The following PPP5C variants were observed in gnomAD, a reference collection of about 807,000 sequenced individuals.
PPP5C encodes the protein protein phosphatase 5 catalytic subunit, also known as serine/threonine-protein phosphatase 5.
PPP5C carries 21 observed loss-of-function variants against 66.7 expected under a neutral mutation model. The observed-to-expected ratio is 0.31, with a 90% confidence interval of 0.22 to 0.45. The LOEUF (loss-of-function observed/expected upper bound fraction) is 0.45, where lower values mean the gene tolerates loss of function less well. Ranked by LOEUF, PPP5C falls within the 20% of genes least tolerant of loss-of-function variation. The probability of loss-of-function intolerance (pLI) is 1.00; values close to 1 mark genes in which losing one functional copy is unlikely to be tolerated. For missense variants in PPP5C, 464 were observed against 675.9 expected, an observed-to-expected ratio of 0.69 and a Z score of 3.48; for synonymous variants, 246 against 257.4, an observed-to-expected ratio of 0.96 and a Z score of 0.43.
intron 2 of PPP5C, among the ~76,000 whole-genome samples, chr19:46,371,660 A>C (rs1343978237): frequency 1.3e-5 from 2 of 152,114 alleles, no homozygotes; most frequent in Non-Finnish European, 2.9e-5. Flanking sequence ...GGTCTCTCTG[A>C]CTTATTATAC....
At position 46,383,677 on chromosome 19, in the gene PPP5C, T is replaced by C. The variant is rs1308748808; in HGVS notation, c.700-103T>C. 2 of 1,085,586 alleles carry C rather than the reference T, an allele frequency of 1.8e-6. No homozygotes were observed. The highest frequency in any genetic ancestry group is 1.4e-6 in the Non-Finnish European group (1 of 727,768). 67.2% of individuals were successfully genotyped at this position (1,085,586 alleles called of 1,614,324 possible). On this transcript the variant is annotated intron_variant, in intron 5 of 12. Coordinates refer to ENST00000012443, the MANE Select transcript of PPP5C (RefSeq NM_006247.4). This position sits in a 1 kb window ranked among gnomAD's most constrained non-coding sequence, Gnocchi z 5.0. ...TTCCCTGCTTGTGTCTCTTGCATGATTCTTCTTGGTCTACTGTGAACTCTT... is the reference window on the plus strand; with the variant it reads ...TTCCCTGCTTGTGTCTCTTGCATGACTCTTCTTGGTCTACTGTGAACTCTT...
chr19:46,359,884 A>G (rs985396528), intron 2 of PPP5C, among the ~76,000 whole-genome samples: 3 of 147,092 alleles, frequency 2.0e-5, no homozygotes, highest in Non-Finnish European at 3.0e-5. Flanking sequence ...GGTTCAAGTG[A>G]TTCTCCTGCT....
intron 11 of PPP5C, among the ~76,000 whole-genome samples, chr19:46,389,401 AC>A (rs1972961744): frequency 8.6e-5 from 2 of 23,380 alleles, no homozygotes; most frequent in South Asian, 2.6e-3. Context: ...ACACACACAC[AC>A]ACACACACAC....
At chr19:46,378,560 G>A (rs919971964) in intron 4 of PPP5C, among the ~76,000 whole-genome samples, 3 of 152,124 alleles carry the variant, frequency 2.0e-5, no homozygotes, top group Non-Finnish European at 4.4e-5. Context: ...TAAAAGCTCC[G>A]ACTATACTTG....
chr19:46,380,494 A>G (rs1305872535), intron 4 of PPP5C, among the ~76,000 whole-genome samples: 1 of 152,186 alleles, frequency 6.6e-6, no homozygotes, highest in Non-Finnish European at 1.5e-5. Context: ...TGTCTTTTAT[A>G]TTTACCCTTT....
At chr19:46,371,148 C>T (rs917158390) in intron 2 of PPP5C, among the ~76,000 whole-genome samples, 2 of 152,154 alleles carry the variant, frequency 1.3e-5, no homozygotes, top group Non-Finnish European at 2.9e-5. Context: ...TATGTTCTTT[C>T]CTGTCTATGC....
intron 2 of PPP5C, among the ~76,000 whole-genome samples, 182 bp downstream of exon 2, chr19:46,354,171 A>C (rs551411262): frequency 6.6e-6 from 1 of 152,184 alleles, no homozygotes; most frequent in Admixed American, 6.5e-5. Flanking sequence ...CAGCCATCTC[A>C]CATTTTGTGA....
At chr19:46,381,041 A>G (rs192743147) in intron 4 of PPP5C, among the ~76,000 whole-genome samples, 4 of 152,250 alleles carry the variant, frequency 2.6e-5, no homozygotes, top group Non-Finnish European at 5.9e-5. Flanking sequence ...AATGACCTGA[A>G]TTTTTTTAAT....
Position 46,376,622 on chromosome 19 carries a change from T to G in PPP5C, c.633+48T>G, listed in dbSNP as rs775459132. On this transcript the variant is annotated intron_variant, in intron 4 of 12. Transcript: ENST00000012443. The surrounding 1 kb of genome is among the most constrained non-coding windows in gnomAD (Gnocchi z 5.1). ...GGCACCCGGGAACCCTGGGATGGCA[T>G]CACAGCACTGCCAGCCGCGGGCACT... 3 of 1,600,494 alleles carry G rather than the reference T, an allele frequency of 1.9e-6. No individual in the cohort carries two copies. Among genetic ancestry groups the G allele is most frequent in the Non-Finnish European group, 2.6e-6 (3 of 1,172,674 alleles).
At chr19:46,386,059 C>A (rs1008991557) in intron 7 of PPP5C, among the ~76,000 whole-genome samples, 3 of 152,014 alleles carry the variant, frequency 2.0e-5, no homozygotes, top group Admixed American at 2.0e-4. Flanking sequence ...AGGGTTTTGG[C>A]CGGAGTATCT....
Position 46,388,376 on chromosome 19 carries a change from G to A in PPP5C, c.1136-32G>A, listed in dbSNP as rs143960841. Reference sequence around the variant, plus strand: ...AGTGACCACCCCCGGGGAGGTGGACGAGTCCCTAATGTTTCCCTCGCTCCC... The same window carrying A: ...AGTGACCACCCCCGGGGAGGTGGACAAGTCCCTAATGTTTCCCTCGCTCCC... On this transcript the variant is annotated intron_variant, in intron 9 of 12. Coordinates refer to ENST00000012443, the MANE Select transcript of PPP5C (RefSeq NM_006247.4). The surrounding 1 kb of genome is among the most constrained non-coding windows in gnomAD (Gnocchi z 4.9). The A allele has an allele frequency of 3.1e-5, 49 of 1,597,320 alleles. No homozygotes were observed. The highest frequency in any genetic ancestry group is 5.4e-5 in the African/African-American group (4 of 74,652).
chr19:46,381,747 T>G (rs887927433), intron 4 of PPP5C: 5 of 152,234 alleles, frequency 3.3e-5, no homozygotes, highest in African/African-American at 1.2e-4. Context: ...AGACCCTGTC[T>G]TAAAACAAAT....
At position 46,388,384 on chromosome 19, in the gene PPP5C, A is replaced by C. The variant is rs762387748; in HGVS notation, c.1136-24A>C. 6.2e-7 allele frequency: 1 copy of C among 1,605,422 alleles called. No individual in the cohort carries two copies. Among genetic ancestry groups the C allele is most frequent in the East Asian group, 2.2e-5 (1 of 44,632 alleles). On this transcript the variant is annotated intron_variant, in intron 9 of 12. Coordinates refer to ENST00000012443, the MANE Select transcript of PPP5C (RefSeq NM_006247.4). The surrounding 1 kb of genome is among the most constrained non-coding windows in gnomAD (Gnocchi z 4.9). Reference sequence around the variant, plus strand: ...CCCCCGGGGAGGTGGACGAGTCCCTAATGTTTCCCTCGCTCCCCACCAGGG... The same window carrying C: ...CCCCCGGGGAGGTGGACGAGTCCCTCATGTTTCCCTCGCTCCCCACCAGGG...
intron 2 of PPP5C, among the ~76,000 whole-genome samples, chr19:46,365,611 AT>A (rs1972477858): frequency 6.6e-6 from 1 of 152,078 alleles, no homozygotes; most frequent in African/African-American, 2.4e-5. Flanking sequence ...CCAGTCCCTT[AT>A]TCATACCTTT....
chr19:46,370,790 G>C (rs1363830726), intron 2 of PPP5C, among the ~76,000 whole-genome samples: 1 of 152,038 alleles, frequency 6.6e-6, no homozygotes, highest in Non-Finnish European at 1.5e-5. Flanking sequence ...GCCCATGCTG[G>C]AGTGCAGTGG....
chr19:46,366,543 G>T (rs1273204867), intron 2 of PPP5C, among the ~76,000 whole-genome samples: 1 of 152,038 alleles, frequency 6.6e-6, no homozygotes, highest in African/African-American at 2.4e-5. Flanking sequence ...ATGGGGTCTT[G>T]CTGTGTTCCC....
At chr19:46,386,386 G>C (rs1251588316) in intron 7 of PPP5C, among the ~76,000 whole-genome samples, 1 of 152,192 alleles carries the variant, frequency 6.6e-6, no homozygotes. Context: ...GCAGTGTCCA[G>C]CACAGGGTCA....
intron 7 of PPP5C, among the ~76,000 whole-genome samples, chr19:46,385,947 GAA>G (rs35801370): frequency 4.0e-4 from 51 of 127,072 alleles, no homozygotes; most frequent in South Asian, 2.9e-3. Context: ...CTGTCTCTTT[GAA>G]AAAAAAAAAA....
intron 2 of PPP5C, among the ~76,000 whole-genome samples, chr19:46,371,817 A>T (rs993231868): frequency 1.3e-5 from 2 of 152,198 alleles, no homozygotes; most frequent in African/African-American, 4.8e-5. Flanking sequence ...TGCATGCCTC[A>T]GGCAGGCACG....
Sources: gnomAD v4.1 joint callset for allele counts (sites outside exome capture counted in the v4.1 genomes callset) on GRCh38, gnomAD v4.1.1 for gene constraint, Gnocchi (gnomAD v3.1) non-coding constraint, MANE v1.5 for transcripts, NCBI Gene and HGNC (gene_info 2026-07-23, HGNC 2026-07-21) for gene names.